Variants in ADAMTS3 observed in about 807,000 individuals in gnomAD.
ADAMTS3 encodes the protein A disintegrin and metalloproteinase with thrombospondin motifs 3.
A neutral mutation model predicts 129.0 loss-of-function variants in ADAMTS3; 73 were observed. The observed-to-expected ratio is 0.57, with a 90% CI of 0.47 to 0.69. ADAMTS3 has a LOEUF of 0.69. Ranked by LOEUF, ADAMTS3 falls within the 30% of genes least tolerant of loss-of-function variation. The probability of loss-of-function intolerance (pLI) is 0.00; values close to 1 mark genes in which losing one functional copy is unlikely to be tolerated. For missense variants in ADAMTS3, 1,457 were observed against 1,514.5 expected (o/e 0.96, Z 0.63); for synonymous variants, 477 against 510.8 (o/e 0.93, Z 0.89).
At chr4:72,369,115 G>A (rs1424406404) in intron 4 of ADAMTS3, among the ~76,000 whole-genome samples, 4 of 152,150 alleles carry the variant, frequency 2.6e-5, no homozygotes, top group Non-Finnish European at 4.4e-5. Context: ...AAGTAGATCC[G>A]AACACTTACA....
At chr4:72,465,502 T>A (rs1304127860) in intron 3 of ADAMTS3, among the ~76,000 whole-genome samples, 2 of 151,934 alleles carry the variant, frequency 1.3e-5, no homozygotes, top group East Asian at 3.9e-4. Context: ...GGCGATATGA[T>A]CTGATTTACT....
At chr4:72,391,745 G>T (rs1420118060) in intron 4 of ADAMTS3, among the ~76,000 whole-genome samples, 2 of 151,718 alleles carry the variant, frequency 1.3e-5, no homozygotes, top group Non-Finnish European at 2.9e-5. Flanking sequence ...CAATAGTGAA[G>T]GTTAAAAAAA....
At chr4:72,346,170 T>C (rs776452113) in intron 4 of ADAMTS3, among the ~76,000 whole-genome samples, 3 of 152,174 alleles carry the variant, frequency 2.0e-5, no homozygotes, top group Non-Finnish European at 4.4e-5. Flanking sequence ...TGTGTCTTCC[T>C]GCATTACTTT....
At chr4:72,526,322 T>C (rs1292381465) in intron 3 of ADAMTS3, among the ~76,000 whole-genome samples, 1 of 152,178 alleles carries the variant, frequency 6.6e-6, no homozygotes, top group East Asian at 1.9e-4. Context: ...AGATTTTCAC[T>C]AGCCCTAATG....
Position 72,298,448 on chromosome 4 carries a change from A to G in ADAMTS3, c.2425-6T>C. The stretch of plus-strand genomic sequence containing the variant: ...TCATTTTCTTGAGGTATAATCTAAC[A>G]TACACATGAAATCAATATGTAAATC... On this transcript the variant is annotated splice_region_variant and splice_polypyrimidine_tract_variant and intron_variant, in intron 17 of 21. Transcript: ENST00000286657. 1.3e-6 allele frequency: 2 copies of G among 1,579,812 alleles called. No homozygotes were observed. The highest frequency in any genetic ancestry group is 1.2e-5 in the South Asian group (1 of 85,260).
chr4:72,523,541 A>T (rs1720729230), intron 3 of ADAMTS3, among the ~76,000 whole-genome samples: 1 of 152,088 alleles, frequency 6.6e-6, no homozygotes, highest in African/African-American at 2.4e-5. Flanking sequence ...GTGAAACAAT[A>T]CTATACATTA....
At chr4:72,330,813 G>A (rs1252952510) in intron 5 of ADAMTS3, 2 of 152,146 alleles carry the variant, frequency 1.3e-5, no homozygotes, top group Non-Finnish European at 1.5e-5. Context: ...CCAAGAATAG[G>A]CAGTCAGCTG....
intron 4 of ADAMTS3, among the ~76,000 whole-genome samples, chr4:72,361,941 G>A (rs751105916): frequency 6.6e-6 from 1 of 151,912 alleles, no homozygotes; most frequent in Non-Finnish European, 1.5e-5. Context: ...CCAGTGTTTT[G>A]TTACAAATTC....
chr4:72,351,040 G>C (rs1220264461), intron 4 of ADAMTS3, among the ~76,000 whole-genome samples: 2 of 151,876 alleles, frequency 1.3e-5, no homozygotes, highest in East Asian at 1.9e-4. Flanking sequence ...CCTTCCCTGG[G>C]ATTCATCTGG....
At position 72,427,328 on chromosome 4, in the gene ADAMTS3, G is replaced by C. The variant is rs117243389; in HGVS notation, c.505-12357C>G. Among the ~76,000 whole-genome samples, 89 of 152,248 alleles carry C rather than the reference G, an allele frequency of 5.8e-4. No homozygotes were observed. The East Asian group carries it at 0.016, about 28-fold the overall frequency. On this transcript the variant is annotated intron_variant, in intron 3 of 21. Transcript: ENST00000286657. ...AGAACTTCCTACTTGAGGTGGGAGA[G>C]TGGGGTCCAAGAAATTCCATTACAT...
chr4:72,490,105 A>T (rs1719700825), intron 3 of ADAMTS3, among the ~76,000 whole-genome samples: 1 of 151,830 alleles, frequency 6.6e-6, no homozygotes, highest in Non-Finnish European at 1.5e-5. Flanking sequence ...CATTTCCCTG[A>T]TGATTAGTGA....
intron 3 of ADAMTS3, among the ~76,000 whole-genome samples, chr4:72,467,411 C>T (rs552751146): frequency 6.6e-6 from 1 of 152,142 alleles, no homozygotes; most frequent in Admixed American, 6.6e-5. Flanking sequence ...TGCAAGAGCA[C>T]TCCTAAGTGA....
intron 3 of ADAMTS3, among the ~76,000 whole-genome samples, chr4:72,462,604 T>C (rs1347983180): frequency 2.0e-5 from 3 of 151,978 alleles, no homozygotes; most frequent in Non-Finnish European, 4.4e-5. Flanking sequence ...TTAATGATCC[T>C]GATCCCATGT....
intron 4 of ADAMTS3, among the ~76,000 whole-genome samples, chr4:72,403,271 T>C (rs575039726): frequency 4.1e-4 from 62 of 152,194 alleles, no homozygotes; most frequent in African/African-American, 1.4e-3. Flanking sequence ...CAAAAGTAAG[T>C]ATATGGCTTC....
chr4:72,481,597 GA>G (rs568616096), intron 3 of ADAMTS3, among the ~76,000 whole-genome samples: 192 of 151,864 alleles, frequency 1.3e-3, no homozygotes, highest in Non-Finnish European at 2.3e-3. Flanking sequence ...AAGACTTTTA[GA>G]AAAAAACATA....
intron 3 of ADAMTS3, among the ~76,000 whole-genome samples, chr4:72,426,448 T>C (rs1289519690): frequency 6.6e-6 from 1 of 152,122 alleles, no homozygotes; most frequent in Non-Finnish European, 1.5e-5. Flanking sequence ...ATTCTGTTTA[T>C]ATTAATAAAT....
intron 4 of ADAMTS3, among the ~76,000 whole-genome samples, chr4:72,360,367 CAATA>C: frequency 6.6e-6 from 1 of 152,068 alleles, no homozygotes; most frequent in South Asian, 2.1e-4. Flanking sequence ...TAAAATTCTA[CAATA>C]ATTAACCAAA....
At chr4:72,429,061 A>T (rs568592036) in intron 3 of ADAMTS3, among the ~76,000 whole-genome samples, 1 of 152,176 alleles carries the variant, frequency 6.6e-6, no homozygotes, top group East Asian at 1.9e-4. Flanking sequence ...GGTGATCAGA[A>T]ATCTGCAGTT....
intron 3 of ADAMTS3, among the ~76,000 whole-genome samples, chr4:72,530,624 A>G (rs1431741413): frequency 1.2e-5 from 1 of 86,058 alleles, no homozygotes; most frequent in Non-Finnish European, 2.0e-5. Flanking sequence ...TATAATATAT[A>G]TTATTATATA....
Sources: gnomAD v4.1 joint callset for allele counts (sites outside exome capture counted in the v4.1 genomes callset) on GRCh38, gnomAD v4.1.1 for gene constraint, MANE v1.5 for transcripts, NCBI Gene and HGNC (gene_info 2026-07-23, HGNC 2026-07-21) for gene names.